ANO1: variants seen among roughly 807,000 people sequenced by gnomAD.
The protein encoded by ANO1 is anoctamin 1, also known as anoctamin-1.
Under a neutral mutation model 124.0 loss-of-function variants are expected in ANO1, and 59 were observed. The observed-to-expected ratio is 0.48, with a 90% CI of 0.39 to 0.59. The LOEUF is 0.59. ANO1 is among the 20% of genes least tolerant of loss of function. The pLI is 0.00. For synonymous variants in ANO1, 529 were observed against 532.0 expected (o/e 0.99, Z 0.08); for missense variants, 1,059 against 1,328.0 (o/e 0.80, Z 3.15).
intron 1 of ANO1, among the ~76,000 whole-genome samples, chr11:70,028,769 C>G (rs1325129658): frequency 2.0e-5 from 3 of 152,152 alleles, no homozygotes; most frequent in African/African-American, 7.2e-5. Flanking sequence ...TCTGTCAAGC[C>G]AGATCCTAAG....
At chr11:70,125,977 TC>T in intron 9 of ANO1, 83 bp from the exon 10 acceptor site, 2 of 1,490,228 alleles carry the variant, frequency 1.3e-6, no homozygotes, top group Non-Finnish European at 1.8e-6. Context: ...TTTGAGTTGC[TC>T]TTGCTGGGGA....
intron 6 of ANO1, 83 bp from the exon 7 acceptor site, chr11:70,111,624 T>C: frequency 7.4e-7 from 1 of 1,342,922 alleles, no homozygotes. Flanking sequence ...GTGGCTGAGA[T>C]GGCCCTGTGA....
At chr11:69,972,690 C>T in the ANO1 span, among the ~76,000 whole-genome samples, 1 of 152,092 alleles carries the variant, frequency 6.6e-6, no homozygotes, top group African/African-American at 2.4e-5. Flanking sequence ...CCTAAGAAGA[C>T]TCAGGTCCTT....
At chr11:70,095,378 GAA>G (rs747821165) in intron 2 of ANO1, among the ~76,000 whole-genome samples, 1 of 33,138 alleles carries the variant, frequency 3.0e-5, no homozygotes, top group Non-Finnish European at 7.3e-5. Flanking sequence ...AAGAAAGAAA[GAA>G]AGAAAGAAAG....
At position 70,034,455 on chromosome 11, in the gene ANO1, T is replaced by A. The variant is rs150345699; in HGVS notation, c.59-44087T>A. 3.3e-3 allele frequency among the ~76,000 whole-genome samples: 501 copies of A among 152,296 alleles called. 3 individuals carry two copies. The highest frequency in any genetic ancestry group is 0.012 in the African/African-American group (483 of 41,562). ...CACAAGGGCAGCTCAGATACCACCA[T>A]GCCAGGAGAGGGAGTCAACCTTTCT... On this transcript the variant is annotated intron_variant, in intron 1 of 27. Coordinates refer to the ANO1 transcript ENST00000531349.
chr11:70,095,384 AAGAAAGAAAG>A lies in ANO1; in HGVS notation c.441+7302_441+7311del, dbSNP rs1197402843. ...AAAGAAAGAAAGAAAGAAAGAAAGAAAGAAAGAAAGAAAGAAAGAAAGAAAGAAAGAAAGA... is the reference window on the plus strand; with the variant it reads ...AAAGAAAGAAAGAAAGAAAGAAAGAAAAAGAAAGAAAGAAAGAAAGAAAGA... On this transcript the variant is annotated intron_variant, in intron 2 of 25. Coordinates refer to ENST00000355303, the MANE Select transcript of ANO1 (RefSeq NM_018043.7). 1.7e-3 allele frequency among the ~76,000 whole-genome samples: 60 copies of A among 35,862 alleles called. 3 individuals are homozygous for A. Among genetic ancestry groups the A allele is most frequent in the African/African-American group, 3.8e-3 (49 of 12,972 alleles). The allele number at this position is 35,862 out of a possible 152,430, so 23.5% of individuals were successfully genotyped here. A position where few individuals can be genotyped will look rare whatever the true frequency, so the allele number is the denominator to read the frequency against.
At chr11:70,143,204 T>G (rs942203251) in intron 11 of ANO1, among the ~76,000 whole-genome samples, 1 of 152,050 alleles carries the variant, frequency 6.6e-6, no homozygotes, top group Admixed American at 6.5e-5. Flanking sequence ...TGGATCTCAC[T>G]GGGGAGATGG....
rs1426900409 is a variant in ANO1 at position 70,104,048 on chromosome 11, T to C, written c.590T>C (p.Val197Ala). ...TRGLLKKINS[V>A]LQKITDPIQP... ...GGCCTCCTGAAAAAAATCAACTCTG[T>C]GCTCCAGAAAATCACAGATCCCATC... Residue 197 changes from valine to alanine, a missense_variant, in exon 4 of 26, where the codon GTG becomes GCG. By Grantham distance (64) the Val-to-Ala change is moderately conservative. Around this residue, in one of 2 missense-constraint regions of ANO1, gnomAD observed 809 missense variants for 1,094.9 expected, o/e 0.74. Transcript: ENST00000355303. 1.9e-6 allele frequency: 3 copies of C among 1,612,430 alleles called. No homozygotes were observed. Among genetic ancestry groups the C allele is most frequent in the East Asian group, 2.2e-5 (1 of 44,866 alleles).
At chr11:70,147,226 C>T (rs1051199289) in intron 11 of ANO1, among the ~76,000 whole-genome samples, 7 of 152,206 alleles carry the variant, frequency 4.6e-5, no homozygotes, top group Non-Finnish European at 8.8e-5. Flanking sequence ...GAGGAGACAT[C>T]GGGGGCCTTG....
intron 1 of ANO1, among the ~76,000 whole-genome samples, chr11:70,029,103 G>A (rs1409624407): frequency 6.6e-6 from 1 of 152,184 alleles, no homozygotes; most frequent in East Asian, 1.9e-4. Context: ...TTTCTTGAAG[G>A]CAGGGCTCTG....
rs189444886 is a variant in ANO1 at position 70,001,715 on chromosome 11, C to T, written c.58+15549C>T. On this transcript the variant is annotated intron_variant, in intron 1 of 27. Transcript: ENST00000531349. Reference sequence around the variant, plus strand: ...CATGGGCATGTGTTAGCAAAACATGCTGAGTTGCACACGTATTGCAGGTGC... The same window carrying T: ...CATGGGCATGTGTTAGCAAAACATGTTGAGTTGCACACGTATTGCAGGTGC... Among the ~76,000 whole-genome samples, 12 of 152,260 alleles carry T rather than the reference C, an allele frequency of 7.9e-5. No homozygotes were observed. In the East Asian group the frequency reaches 1.5e-3, roughly 20 times the overall value.
At chr11:69,972,475 G>A in the ANO1 span, among the ~76,000 whole-genome samples, 1 of 152,110 alleles carries the variant, frequency 6.6e-6, no homozygotes, top group Admixed American at 6.6e-5. Flanking sequence ...CCTGGGAGGG[G>A]TGTACAGGCA....
chr11:70,183,513 T>TG (rs914123279), intron 24 of ANO1, among the ~76,000 whole-genome samples: 1 of 151,786 alleles, frequency 6.6e-6, no homozygotes, highest in African/African-American at 2.4e-5. Flanking sequence ...TCACAGAGAA[T>TG]GGGGGGGTCC....
intron 19 of ANO1, among the ~76,000 whole-genome samples, chr11:70,164,570 T>G (rs1442212545): frequency 6.6e-6 from 1 of 152,234 alleles, no homozygotes; most frequent in African/African-American, 2.4e-5. Context: ...TAGGGTTTGT[T>G]AGGTTTTATT....
chr11:70,091,334 GA>G (rs1194396850), intron 2 of ANO1, among the ~76,000 whole-genome samples: 4 of 152,188 alleles, frequency 2.6e-5, no homozygotes, highest in Non-Finnish European at 2.9e-5. Flanking sequence ...TTCCTGGGGA[GA>G]AAAATCCACA....
chr11:70,079,024 G>C (rs1442062583), intron 1 of ANO1, among the ~76,000 whole-genome samples: 1 of 152,130 alleles, frequency 6.6e-6, no homozygotes, highest in African/African-American at 2.4e-5. Context: ...ACCCGGGGCT[G>C]CAGCTCGGAG....
intron 10 of ANO1, among the ~76,000 whole-genome samples, chr11:70,130,020 C>T (rs1197335071): frequency 6.6e-6 from 1 of 152,208 alleles, no homozygotes; most frequent in African/African-American, 2.4e-5. Context: ...CCTTCAGAGC[C>T]TTGCAAGGGA....
Position 70,103,058 on chromosome 11 carries a change from C to G in ANO1, c.442-8C>G. 6.2e-7 allele frequency: 1 copy of G among 1,605,424 alleles called. No homozygotes were observed. Among genetic ancestry groups the G allele is most frequent in the Non-Finnish European group, 8.5e-7 (1 of 1,175,470 alleles). ...CCCCTCAACCCAGAACTTTCCTTCT[C>G]TCTCCAGACTAAAATCCACGGAGTC... is the stretch of plus-strand genomic sequence containing the variant. On this transcript the variant is annotated splice_region_variant and splice_polypyrimidine_tract_variant and intron_variant, in intron 2 of 25. Transcript: ENST00000355303.
intron 2 of ANO1, among the ~76,000 whole-genome samples, chr11:70,093,634 T>C (rs1384180898): frequency 6.6e-6 from 1 of 152,136 alleles, no homozygotes; most frequent in Non-Finnish European, 1.5e-5. Context: ...TAAAAGTCTG[T>C]TTGCTTTCAT....
Sources: allele counts gnomAD v4.1 joint callset (sites outside exome capture counted in the v4.1 genomes callset), GRCh38; gene constraint gnomAD v4.1.1; regional missense constraint gnomAD v4.1.1; transcripts MANE v1.5; gene names NCBI Gene and HGNC (gene_info 2026-07-23, HGNC 2026-07-21).